HCN1: variants seen among roughly 807,000 people sequenced by gnomAD.
HCN1 encodes the protein hyperpolarization activated cyclic nucleotide gated potassium channel 1.
Under a neutral mutation model 78.9 loss-of-function variants are expected in HCN1, and 13 were observed. The ratio of observed to expected loss-of-function variants is 0.16; its 90% CI spans 0.11 to 0.26. HCN1 has a LOEUF of 0.26. Among genes scored for constraint, HCN1 ranks in the 10% least tolerant of loss-of-function variants. The pLI is 1.00. For missense variants in HCN1, 810 were observed against 1,154.3 expected, an observed-to-expected ratio of 0.70 and a Z score of 4.32; for synonymous variants, 552 against 455.5, an observed-to-expected ratio of 1.21 and a Z score of -2.70.
At chr5:45,361,809 C>T (rs2111992159) in intron 4 of HCN1, among the ~76,000 whole-genome samples, 1 of 151,758 alleles carries the variant, frequency 6.6e-6, no homozygotes, top group Non-Finnish European at 1.5e-5. Flanking sequence ...TTTATAATGG[C>T]CAAGTTGAGC....
At chr5:45,350,247 C>A (rs545526327) in intron 5 of HCN1, among the ~76,000 whole-genome samples, 1 of 152,068 alleles carries the variant, frequency 6.6e-6, no homozygotes. Flanking sequence ...TGTAATCCAG[C>A]AAATAAACAG....
At chr5:45,263,355 C>CAA (rs368525608) in intron 7 of HCN1, among the ~76,000 whole-genome samples, 4 of 146,574 alleles carry the variant, frequency 2.7e-5, no homozygotes, top group Admixed American at 1.4e-4. Flanking sequence ...CCCAGGAAAA[C>CAA]AAAAAAAAAA....
chr5:45,277,180 A>C (rs894182414), intron 6 of HCN1, among the ~76,000 whole-genome samples: 2 of 152,098 alleles, frequency 1.3e-5, no homozygotes, highest in Non-Finnish European at 2.9e-5. Context: ...CATTTATGGG[A>C]AAGATAGTTA....
chr5:45,410,245 T>C (rs1406069841), intron 3 of HCN1, among the ~76,000 whole-genome samples: 1 of 151,998 alleles, frequency 6.6e-6, no homozygotes, highest in Non-Finnish European at 1.5e-5. Context: ...CAGTAGCCTA[T>C]TGGGTCATGA....
chr5:45,281,216 T>C (rs988051716), intron 6 of HCN1, among the ~76,000 whole-genome samples: 1 of 151,932 alleles, frequency 6.6e-6, no homozygotes, highest in African/African-American at 2.4e-5. Flanking sequence ...TGGGAGGTAA[T>C]TGGATCATGG....
chr5:45,289,470 T>C (rs935791471), intron 6 of HCN1, among the ~76,000 whole-genome samples: 4 of 152,084 alleles, frequency 2.6e-5, no homozygotes, highest in Non-Finnish European at 4.4e-5. Flanking sequence ...AGCATTATAA[T>C]AATCCCTAAA....
intron 4 of HCN1, among the ~76,000 whole-genome samples, chr5:45,375,234 A>G (rs1747592074): frequency 8.6e-6 from 1 of 116,758 alleles, no homozygotes; most frequent in Non-Finnish European, 1.6e-5. Context: ...ATTTTATAAT[A>G]TATAATATAT....
At chr5:45,309,382 G>A (rs1745804150) in intron 5 of HCN1, among the ~76,000 whole-genome samples, 1 of 152,024 alleles carries the variant, frequency 6.6e-6, no homozygotes. Flanking sequence ...TAATTGCTAT[G>A]GCCAGAACTT....
chr5:45,485,945 C>T (rs187456363), intron 2 of HCN1, among the ~76,000 whole-genome samples: 6 of 152,256 alleles, frequency 3.9e-5, no homozygotes, highest in African/African-American at 1.4e-4. Context: ...GACAATAATA[C>T]AAGTAGCTAC....
chr5:45,378,625 C>CT (rs1193606945), intron 4 of HCN1, among the ~76,000 whole-genome samples: 1 of 151,888 alleles, frequency 6.6e-6, no homozygotes, highest in Non-Finnish European at 1.5e-5. Flanking sequence ...TTCATGTGCA[C>CT]TTTTTTAAAA....
At chr5:45,306,712 A>G (rs1745741600) in intron 5 of HCN1, among the ~76,000 whole-genome samples, 1 of 152,106 alleles carries the variant, frequency 6.6e-6, no homozygotes, top group Admixed American at 6.6e-5. Context: ...CTTAGGGCAC[A>G]TTGAGGCAAA....
intron 5 of HCN1, among the ~76,000 whole-genome samples, chr5:45,305,840 A>G (rs1028209970): frequency 6.8e-6 from 1 of 146,592 alleles, no homozygotes; most frequent in Admixed American, 6.8e-5. Flanking sequence ...GAAAGGAGGG[A>G]GGGAGGAAGG....
chr5:45,378,635 A>G lies in HCN1; in HGVS notation c.1230+17857T>C, dbSNP rs114009377. On this transcript the variant is annotated intron_variant, in intron 4 of 7. Coordinates refer to ENST00000303230, the MANE Select transcript of HCN1 (RefSeq NM_021072.4). Reference sequence around the variant, plus strand: ...TTTCTTTCATGTGCACTTTTTTAAAAATTATACTTTAAGTTCTAGGGTACA... The same window carrying G: ...TTTCTTTCATGTGCACTTTTTTAAAGATTATACTTTAAGTTCTAGGGTACA... Among the ~76,000 whole-genome samples the G allele has an allele frequency of 7.0e-3, 1,058 of 152,094 alleles. 16 individuals are homozygous for G. The highest frequency in any genetic ancestry group is 0.024 in the African/African-American group (1,006 of 41,504).
chr5:45,456,719 G>T (rs932852564), intron 3 of HCN1, among the ~76,000 whole-genome samples: 1 of 152,098 alleles, frequency 6.6e-6, no homozygotes, highest in Admixed American at 6.6e-5. Context: ...TGCATAAAAT[G>T]TAAATGTAGT....
In HCN1 at chr5:45,255,186, A is replaced by G. The variant is rs1264780523; in HGVS notation, c.*6735T>C. 6.6e-6 allele frequency: 1 copy of G among 152,226 alleles called. No homozygotes were observed. Among genetic ancestry groups the G allele is most frequent in the African/African-American group, 2.4e-5 (1 of 41,456 alleles). The allele number at this position is 152,226 out of a possible 1,614,324, so 9.4% of individuals were successfully genotyped here. On this transcript the variant is annotated 3_prime_UTR_variant, in exon 8 of 8. Coordinates refer to ENST00000303230, the MANE Select transcript of HCN1 (RefSeq NM_021072.4). ...TGGGTTAGACAGCGTGACCAAGAGT[A>G]AACTTTGGATGGTCCAGGATAAAAT...
chr5:45,562,217 A>G (rs1697433529), intron 2 of HCN1, among the ~76,000 whole-genome samples: 1 of 152,130 alleles, frequency 6.6e-6, no homozygotes, highest in Non-Finnish European at 1.5e-5. Flanking sequence ...ACAGAATGGT[A>G]TGTCTGTCTA....
chr5:45,437,133 G>T (rs1231833095), intron 3 of HCN1, among the ~76,000 whole-genome samples: 7 of 152,048 alleles, frequency 4.6e-5, no homozygotes, highest in Non-Finnish European at 1.0e-4. Context: ...TAGCAGTTGG[G>T]AATTACATCA....
chr5:45,497,938 T>C (rs1200546617), intron 2 of HCN1, among the ~76,000 whole-genome samples: 1 of 152,120 alleles, frequency 6.6e-6, no homozygotes, highest in Non-Finnish European at 1.5e-5. Context: ...GCTTGTAGAG[T>C]TTCTGCCGAG....
At position 45,262,417 on chromosome 5, in the gene HCN1, T is replaced by C; in HGVS notation, c.2177A>G (p.Gln726Arg). The C allele has an allele frequency of 1.9e-6, 3 of 1,611,354 alleles. No individual in the cohort carries two copies. Among genetic ancestry groups the C allele is most frequent in the African/African-American group, 1.3e-5 (1 of 74,948 alleles). Residue 726 changes from glutamine to arginine, a missense_variant, in exon 8 of 8, where the codon CAG (glutamine) becomes CGG (arginine). Transcript: ENST00000303230. ...CGGCTGCTGTTGCATGAGTGACAGC[T>C]GGGAGGCGGTGGGGGAGGCATAGTG... ...TFHYASPTAS[Q>R]LSLMQQQPQQ...
Sources: allele counts gnomAD v4.1 joint callset (sites outside exome capture counted in the v4.1 genomes callset), GRCh38; gene constraint gnomAD v4.1.1; transcripts MANE v1.5; gene names NCBI Gene and HGNC (gene_info 2026-07-23, HGNC 2026-07-21).